SNX31: variants seen among roughly 807,000 people sequenced by gnomAD.
SNX31 encodes the protein sorting nexin 31, also known as sorting nexin-31.
Under a neutral mutation model 65.4 loss-of-function variants are expected in SNX31, and 58 were observed. The ratio of observed to expected loss-of-function variants is 0.89; its 90% CI spans 0.72 to 1.10. The LOEUF is 1.10. Ranked by LOEUF, SNX31 falls within the 50% of genes least tolerant of loss-of-function variation. The probability of loss-of-function intolerance (pLI) is 0.00; values close to 1 mark genes in which losing one functional copy is unlikely to be tolerated. For synonymous variants in SNX31, 181 were observed against 190.1 expected, an observed-to-expected ratio of 0.95 and a Z score of 0.39; for missense variants, 523 against 529.7, an observed-to-expected ratio of 0.99 and a Z score of 0.12.
chr8:100,650,488 C>T (rs1819932055), upstream of SNX31, among the ~76,000 whole-genome samples: 1 of 152,210 alleles, frequency 6.6e-6, no homozygotes, highest in Non-Finnish European at 1.5e-5. Context: ...TGCAGGATTT[C>T]ATCAGGATCA....
In SNX31 at chr8:100,648,325, T is replaced by C. The variant is rs1400825258; in HGVS notation, c.141+949A>G. Reference sequence around the variant, plus strand: ...AGTTTTTTCAGTTTTCTCTACACTTTTTTTTTTTTTTTTTTTAATAGAGAC... The same window carrying C: ...AGTTTTTTCAGTTTTCTCTACACTTCTTTTTTTTTTTTTTTTAATAGAGAC... On this transcript the variant is annotated intron_variant, in intron 2 of 13. Coordinates refer to ENST00000311812, the MANE Select transcript of SNX31 (RefSeq NM_152628.4). This position sits in a 1 kb window ranked among gnomAD's most constrained non-coding sequence, Gnocchi z 4.3. Among the ~76,000 whole-genome samples the C allele has an allele frequency of 1.3e-5, 2 of 149,048 alleles. No individual in the cohort carries two copies. The highest frequency in any genetic ancestry group is 5.0e-5 in the African/African-American group (2 of 40,278).
rs368941744 is a variant in SNX31, at chr8:100,630,315, G to C, written c.321+12C>G. On this transcript the variant is annotated intron_variant, in intron 4 of 13. Coordinates refer to ENST00000311812, the MANE Select transcript of SNX31 (RefSeq NM_152628.4). This position sits in a 1 kb window ranked among gnomAD's most constrained non-coding sequence, Gnocchi z 5.3. ...GAGGAATGATGGCCCCATTAAAGAA[G>C]AGCAAGCTTACCAGCTGCGCCAGTT... is the stretch of plus-strand genomic sequence containing the variant. 186 of 1,613,030 alleles carry C rather than the reference G, an allele frequency of 1.2e-4. No homozygotes were observed. The highest frequency in any genetic ancestry group is 1.4e-4 in the Non-Finnish European group (171 of 1,179,456).
chr8:100,619,806 C>G (rs956585686), intron 4 of SNX31: 1 of 152,226 alleles, frequency 6.6e-6, no homozygotes, highest in African/African-American at 2.4e-5. Context: ...ATTAACTTCT[C>G]TCCTAGGCAT....
At chr8:100,591,443 C>G (rs538558296) in intron 10 of SNX31, among the ~76,000 whole-genome samples, 4 of 141,628 alleles carry the variant, frequency 2.8e-5, no homozygotes, top group Admixed American at 1.5e-4. Flanking sequence ...GAGCCGAGAT[C>G]GCGCCACTGC....
upstream of SNX31, among the ~76,000 whole-genome samples, chr8:100,652,596 C>A (rs1819994409): frequency 6.6e-6 from 1 of 152,136 alleles, no homozygotes; most frequent in Non-Finnish European, 1.5e-5. Context: ...TGCACTATTT[C>A]CTACTTTGAA....
chr8:100,654,344 C>T (rs1000315032), upstream of SNX31, among the ~76,000 whole-genome samples: 6 of 152,036 alleles, frequency 3.9e-5, no homozygotes, highest in African/African-American at 9.7e-5. Context: ...TTATAGGAGA[C>T]GAAACTGAGG....
chr8:100,639,598 GTATGACCACATGTTTAGTTTAATA>G (rs1349459952), intron 2 of SNX31, among the ~76,000 whole-genome samples: 1 of 43,224 alleles, frequency 2.3e-5, no homozygotes, highest in Non-Finnish European at 4.3e-5. Flanking sequence ...GAATATATTA[GTATGACCACATGTTTAGTTTAATA>G]TAGATGACTA....
rs1029789173 is a variant in SNX31 at position 100,613,873 on chromosome 8, G to C, written c.433-788C>G. On this transcript the variant is annotated intron_variant, in intron 5 of 13. Transcript: ENST00000311812. This position sits in a 1 kb window ranked among gnomAD's most constrained non-coding sequence, Gnocchi z 5.2. ...AGCCCCTATTTAACACTGGGCTCTC[G>C]AGTAATTTCTTTATACTCCTGGTCT... Among the ~76,000 whole-genome samples the C allele has an allele frequency of 2.0e-5, 3 of 151,956 alleles. No individual in the cohort carries two copies. The highest frequency in any genetic ancestry group is 7.3e-5 in the African/African-American group (3 of 41,350).
intron 1 of SNX31, among the ~76,000 whole-genome samples, chr8:100,658,075 C>T (rs535033738): frequency 3.9e-5 from 6 of 152,204 alleles, no homozygotes; most frequent in South Asian, 4.2e-4. Flanking sequence ...TGCTGATGTC[C>T]GGGTCCCACC....
intron 4 of SNX31, among the ~76,000 whole-genome samples, chr8:100,621,771 C>T (rs1054118677): frequency 1.3e-5 from 2 of 152,252 alleles, no homozygotes; most frequent in Non-Finnish European, 2.9e-5. Flanking sequence ...CGACTCTTTG[C>T]CATTGGTCAG....
intron 8 of SNX31, among the ~76,000 whole-genome samples, chr8:100,606,509 T>C (rs1816173954): frequency 6.6e-6 from 1 of 152,214 alleles, no homozygotes; most frequent in South Asian, 2.1e-4. Context: ...TAAGGAGGCA[T>C]GGGCTAAGTT....
At chr8:100,652,135 T>C (rs534995228), upstream of SNX31, among the ~76,000 whole-genome samples, 4 of 152,040 alleles carry the variant, frequency 2.6e-5, no homozygotes, top group South Asian at 2.1e-4. Flanking sequence ...CACGCCACAA[T>C]GCCCGGCTAA....
Position 100,649,305 on chromosome 8 carries a change from C to T in SNX31, c.110G>A (p.Arg37His). The change falls in exon 2 of 14, where the codon CGC becomes CAC. Residue 37 changes from arginine (R) to histidine (H), a missense_variant. By Grantham distance (29) the Arg-to-His change is conservative. Coordinates refer to ENST00000311812, the MANE Select transcript of SNX31 (RefSeq NM_152628.4). ...GTTCCAACCGTGCAGCTGGCTGTAG[C>T]GCACCCTGCAGAAGAGGAACCCGTC... ...HLDGFLFCRV[R>H]YSQLHGWNEQ... The T allele has an allele frequency of 1.2e-6, 2 of 1,614,082 alleles. No homozygotes were observed. Among genetic ancestry groups the T allele is most frequent in the Non-Finnish European group, 1.7e-6 (2 of 1,179,956 alleles).
intron 4 of SNX31, chr8:100,619,788 T>G (rs1336745203): frequency 6.6e-6 from 1 of 152,184 alleles, no homozygotes; most frequent in Non-Finnish European, 1.5e-5. Context: ...ATCCACAGTA[T>G]ACAATAAATT....
chr8:100,574,095 A>C, intron 13 of SNX31, 135 bp from the exon 14 acceptor site: 1 of 529,426 alleles, frequency 1.9e-6, no homozygotes, highest in Non-Finnish European at 3.3e-6. Flanking sequence ...TGGTTATTTT[A>C]AACAGTTTTA....
In SNX31 at chr8:100,622,693, TAAAA is replaced by T. The variant is rs1234323417; in HGVS notation, c.322-4967_322-4964del. 4.1e-5 allele frequency among the ~76,000 whole-genome samples: 6 copies of T among 147,252 alleles called. No homozygotes were observed. In the East Asian group the frequency reaches 7.9e-4, roughly 19 times the overall value. On this transcript the variant is annotated intron_variant, in intron 4 of 13. Coordinates refer to ENST00000311812, the MANE Select transcript of SNX31 (RefSeq NM_152628.4). This position sits in a 1 kb window ranked among gnomAD's most constrained non-coding sequence, Gnocchi z 5.0. ...ATAAATAAATAAATAAATAAATAAA[TAAAA>T]ATAAAAATAAATTAAATGGGGGCAT...
chr8:100,634,756 T>TA (rs548613299), intron 3 of SNX31, among the ~76,000 whole-genome samples: 1,919 of 141,536 alleles, frequency 0.014, 57 homozygotes, highest in African/African-American at 0.046. Context: ...CTCTCTGTCT[T>TA]AAAAAAAAAA....
intron 2 of SNX31, among the ~76,000 whole-genome samples, chr8:100,642,844 T>A (rs908811235): frequency 2.6e-5 from 4 of 152,304 alleles, no homozygotes; most frequent in African/African-American, 9.6e-5. Flanking sequence ...TTTTTGTTTG[T>A]TTGGAGTATT....
intron 10 of SNX31, among the ~76,000 whole-genome samples, chr8:100,591,490 A>T (rs1814585104): frequency 3.9e-5 from 2 of 51,776 alleles, no homozygotes; most frequent in South Asian, 5.4e-4. Flanking sequence ...CTCCGTCTCA[A>T]AAAAAAAAAA....
Sources: gnomAD v4.1 joint callset for allele counts (sites outside exome capture counted in the v4.1 genomes callset) on GRCh38, gnomAD v4.1.1 for gene constraint, Gnocchi (gnomAD v3.1) non-coding constraint, MANE v1.5 for transcripts, NCBI Gene and HGNC (gene_info 2026-07-23, HGNC 2026-07-21) for gene names.